Variants in ACYP2 observed in about 807,000 individuals in gnomAD.
ACYP2 encodes the protein acylphosphatase 2, also known as acylphosphatase-2.
In ACYP2, 12 loss-of-function variants were observed where a neutral mutation model predicts 11.2. That is an observed-to-expected ratio of 1.08 (90% CI 0.69 to 1.74). ACYP2 has a LOEUF of 1.74. ACYP2 is among the 40% of genes most tolerant of loss of function. ACYP2 has a pLI of 0.00. For missense variants in ACYP2, 134 were observed against 101.9 expected, an observed-to-expected ratio of 1.31 and a Z score of -1.35; for synonymous variants, 43 against 32.2, an observed-to-expected ratio of 1.33 and a Z score of -1.13.
chr2:53,982,453 A>G (rs1179347503), intron 2 of ACYP2, among the ~76,000 whole-genome samples: 1 of 152,198 alleles, frequency 6.6e-6, no homozygotes, highest in Admixed American at 6.6e-5. Context: ...TGAATGACAC[A>G]GTACCTGTCC....
At chr2:54,229,488 C>G (rs555246198) in intron 6 of ACYP2, among the ~76,000 whole-genome samples, 14 of 152,206 alleles carry the variant, frequency 9.2e-5, no homozygotes, top group African/African-American at 3.1e-4. Context: ...CTAACTTTTG[C>G]AGAATGTATA....
intron 2 of ACYP2, among the ~76,000 whole-genome samples, chr2:54,040,696 T>A (rs1675176249): frequency 1.3e-5 from 2 of 152,146 alleles, no homozygotes; most frequent in African/African-American, 4.8e-5. Flanking sequence ...TACTAACTGA[T>A]CAAGTAAGAT....
chr2:54,169,534 C>G (rs1463379326), intron 6 of ACYP2, among the ~76,000 whole-genome samples: 1 of 151,960 alleles, frequency 6.6e-6, no homozygotes, highest in African/African-American at 2.4e-5. Flanking sequence ...CTTGGGTTCC[C>G]AAAGTGCTGA....
At chr2:54,097,745 A>G (rs546500097) in intron 4 of ACYP2, among the ~76,000 whole-genome samples, 128 of 152,062 alleles carry the variant, frequency 8.4e-4, no homozygotes, top group African/African-American at 2.8e-3. Context: ...ACGTCATGTT[A>G]TTTTAGCTAG....
At chr2:54,021,060 A>G (rs113967895) in intron 2 of ACYP2, among the ~76,000 whole-genome samples, 4 of 152,162 alleles carry the variant, frequency 2.6e-5, no homozygotes, top group African/African-American at 4.8e-5. Flanking sequence ...TTTATTCCTG[A>G]TGCAGGTAGC....
At chr2:54,094,000 A>C (rs900036049) in intron 4 of ACYP2, among the ~76,000 whole-genome samples, 2 of 152,190 alleles carry the variant, frequency 1.3e-5, no homozygotes, top group Non-Finnish European at 2.9e-5. Flanking sequence ...GTGAAGTGTA[A>C]ATAAAATAAT....
At chr2:54,108,477 G>T (rs1679287570) in intron 4 of ACYP2, among the ~76,000 whole-genome samples, 1 of 152,196 alleles carries the variant, frequency 6.6e-6, no homozygotes, top group Non-Finnish European at 1.5e-5. Flanking sequence ...TGTGAACTAA[G>T]AAGAAATCAG....
At chr2:54,172,456 A>C (rs1683259226) in intron 6 of ACYP2, among the ~76,000 whole-genome samples, 3 of 152,212 alleles carry the variant, frequency 2.0e-5, no homozygotes, top group Admixed American at 6.5e-5. Context: ...AACTGATGAA[A>C]TGTCAATCAT....
At chr2:54,230,037 T>G (rs528096716) in intron 6 of ACYP2, among the ~76,000 whole-genome samples, 2 of 152,338 alleles carry the variant, frequency 1.3e-5, no homozygotes, top group East Asian at 3.9e-4. Context: ...TATTGTGACT[T>G]ACTTTTCAGT....
chr2:54,214,931 AGT>A (rs1020315205), intron 6 of ACYP2, among the ~76,000 whole-genome samples: 1 of 152,134 alleles, frequency 6.6e-6, no homozygotes, highest in African/African-American at 2.4e-5. Context: ...GTTTTTCAGC[AGT>A]GTTTTGTAAT....
intron 6 of ACYP2, among the ~76,000 whole-genome samples, chr2:54,257,823 G>A (rs974350654): frequency 2.6e-5 from 4 of 152,060 alleles, no homozygotes; most frequent in Admixed American, 6.5e-5. Flanking sequence ...TTATCAACAC[G>A]GACTGAAATG....
At chr2:54,169,971 A>G (rs528334560) in intron 6 of ACYP2, among the ~76,000 whole-genome samples, 1 of 152,278 alleles carries the variant, frequency 6.6e-6, no homozygotes, top group East Asian at 1.9e-4. Context: ...AGACAAATCT[A>G]TTGATGTCCT....
intron 2 of ACYP2, among the ~76,000 whole-genome samples, chr2:53,998,259 T>G (rs1672662340): frequency 6.6e-6 from 1 of 151,604 alleles, no homozygotes; most frequent in South Asian, 2.1e-4. Flanking sequence ...AATTGAAGAG[T>G]GAGTGGGTGG....
intron 2 of ACYP2, among the ~76,000 whole-genome samples, chr2:54,008,054 T>C (rs1673171854): frequency 6.6e-6 from 1 of 152,154 alleles, no homozygotes; most frequent in South Asian, 2.1e-4. Context: ...ATGTTAGAAT[T>C]TCTCTTACTG....
chr2:54,276,638 C>CACAT (rs1479440142), intron 6 of ACYP2, among the ~76,000 whole-genome samples: 2 of 87,648 alleles, frequency 2.3e-5, no homozygotes, highest in Admixed American at 2.7e-4. Context: ...CACACACACA[C>CACAT]ACACACACAC....
intron 2 of ACYP2, among the ~76,000 whole-genome samples, chr2:53,983,958 T>C (rs1671887629): frequency 6.6e-6 from 1 of 152,142 alleles, no homozygotes; most frequent in Non-Finnish European, 1.5e-5. Context: ...TTACAAGCAG[T>C]CATGGATGCC....
At chr2:54,272,577 G>C (rs143699503) in intron 6 of ACYP2, among the ~76,000 whole-genome samples, 4 of 152,342 alleles carry the variant, frequency 2.6e-5, no homozygotes, top group African/African-American at 9.6e-5. Flanking sequence ...AAACGATGGA[G>C]TAAGTGGCTT....
rs58920943 is a variant in ACYP2, at chr2:54,207,173, A to ATGTGTG, written c.404+68453_404+68458dup. Among the ~76,000 whole-genome samples, 721 of 138,714 alleles carry ATGTGTG rather than the reference A, an allele frequency of 5.2e-3. 10 individuals are homozygous for ATGTGTG. Among genetic ancestry groups the ATGTGTG allele is most frequent in the South Asian group, 0.029 (119 of 4,056 alleles). The allele number at this position is 138,714 out of a possible 152,430, so 91.0% of individuals were successfully genotyped here. ...ATATGTACATATATACAACATGTATATGTGTGTGTGTGTGTGTGTGTGTGT... is the reference window on the plus strand; with the variant it reads ...ATATGTACATATATACAACATGTATATGTGTGTGTGTGTGTGTGTGTGTGTGTGTGT... On this transcript the variant is annotated intron_variant, in intron 6 of 6. Coordinates refer to ENST00000607452, the MANE Select transcript of ACYP2 (RefSeq NM_001320586.2).
chr2:54,246,973 A>G (rs772054908), intron 6 of ACYP2, among the ~76,000 whole-genome samples: 17 of 152,174 alleles, frequency 1.1e-4, no homozygotes, highest in Non-Finnish European at 8.8e-5. Context: ...AAAGACACTT[A>G]AGACCCTCTA....
Sources: allele counts gnomAD v4.1 joint callset (sites outside exome capture counted in the v4.1 genomes callset), GRCh38; gene constraint gnomAD v4.1.1; transcripts MANE v1.5; gene names NCBI Gene and HGNC (gene_info 2026-07-23, HGNC 2026-07-21).